The following PRR5L variants were observed in gnomAD, a reference collection of about 807,000 sequenced individuals.
The protein encoded by PRR5L is proline rich 5 like.
Under a neutral mutation model 36.4 loss-of-function variants are expected in PRR5L, and 21 were observed. The observed-to-expected ratio is 0.58, with a 90% CI of 0.41 to 0.83. PRR5L has a LOEUF of 0.83. PRR5L is among the 40% of genes least tolerant of loss of function. The pLI, the probability that PRR5L is intolerant of heterozygous loss-of-function variation, is 0.00. For missense variants in PRR5L, 381 were observed against 473.3 expected, an observed-to-expected ratio of 0.80 and a Z score of 1.81; for synonymous variants, 188 against 197.0, an observed-to-expected ratio of 0.95 and a Z score of 0.38.
At chr11:36,435,550 G>A (rs1490081025) in intron 5 of PRR5L, among the ~76,000 whole-genome samples, 1 of 152,196 alleles carries the variant, frequency 6.6e-6, no homozygotes, top group Non-Finnish European at 1.5e-5. Context: ...AGTCAAGGCA[G>A]AAGGGCTAGC....
chr11:36,437,966 G>A (rs776878382), intron 6 of PRR5L, among the ~76,000 whole-genome samples: 3 of 152,180 alleles, frequency 2.0e-5, no homozygotes, highest in Admixed American at 6.5e-5. Context: ...AAGAATGCTC[G>A]ACTAGGAATC....
At chr11:36,361,874 G>A (rs1258450493) in intron 1 of PRR5L, among the ~76,000 whole-genome samples, 3 of 151,970 alleles carry the variant, frequency 2.0e-5, no homozygotes, top group Non-Finnish European at 4.4e-5. Flanking sequence ...GAGAGATCGC[G>A]AGCCTCTCTT....
At chr11:36,452,835 A>C (rs331472) in intron 8 of PRR5L, among the ~76,000 whole-genome samples, 151,223 of 152,340 alleles carry the variant, frequency 0.99, 75,065 homozygotes, top group East Asian at 1. Flanking sequence ...TTGGAACAGA[A>C]CCCTGTAACA....
chr11:36,390,532 CAAGTT>C (rs1857545155), intron 1 of PRR5L, among the ~76,000 whole-genome samples: 1 of 152,164 alleles, frequency 6.6e-6, no homozygotes, highest in African/African-American at 2.4e-5. Context: ...TTACCTGAGA[CAAGTT>C]AAACACTCTG....
rs561477606 is a variant in PRR5L at position 36,411,508 on chromosome 11, G to A, written c.246-7747G>A. 3.3e-5 allele frequency among the ~76,000 whole-genome samples: 5 copies of A among 152,060 alleles called. No individual in the cohort carries two copies. In the South Asian group the frequency reaches 8.3e-4, roughly 25 times the overall value. ...CTTTTGGCTTCTGGCTGAACTTCACGCCCAGTTTCTCATTTTGGTCAGGCC... is the reference window on the plus strand; with the variant it reads ...CTTTTGGCTTCTGGCTGAACTTCACACCCAGTTTCTCATTTTGGTCAGGCC... On this transcript the variant is annotated intron_variant, in intron 3 of 8. Transcript: ENST00000530639.
rs778035625 is a variant in PRR5L, at chr11:36,462,347, C to T, written c.718C>T (p.Arg240Trp). The change falls in exon 9 of 9, where the codon CGG becomes TGG. Residue 240 changes from arginine (R) to tryptophan (W), a missense_variant. Physicochemically the swap from Arg to Trp is moderately radical, Grantham distance 101. Coordinates refer to ENST00000530639, the MANE Select transcript of PRR5L (RefSeq NM_001160167.2). The part of the protein sequence containing the change: ...FSGPTYTLAR[R>W]HSRVRPKVTV... ...TGCTGATTTTTCTCTTGCAGCCAGGCGGCACTCCAGGGTCCGGCCCAAGGT... is the reference window on the plus strand; with the variant it reads ...TGCTGATTTTTCTCTTGCAGCCAGGTGGCACTCCAGGGTCCGGCCCAAGGT... The T allele has an allele frequency of 1.1e-5, 17 of 1,489,116 alleles. No homozygotes were observed. The Admixed American group carries it at 1.2e-4, about 11-fold the overall frequency. The allele number at this position is 1,489,116 out of a possible 1,614,324, so 92.2% of individuals were successfully genotyped here.
intron 1 of PRR5L, among the ~76,000 whole-genome samples, chr11:36,325,006 C>CCCAAGATGATGGTGGGCTGCTT (rs1856645879): frequency 6.6e-6 from 1 of 152,132 alleles, no homozygotes; most frequent in East Asian, 1.9e-4. Flanking sequence ...TCCCAGAGCT[C>CCCAAGATGATGGTGGGCTGCTT]CCAAGATGAT....
chr11:36,381,885 G>A (rs554569982), intron 1 of PRR5L, among the ~76,000 whole-genome samples: 2 of 151,812 alleles, frequency 1.3e-5, no homozygotes, highest in African/African-American at 2.4e-5. Flanking sequence ...CCAGCCGGGC[G>A]CGGTGGCTCA....
chr11:36,421,198 A>G (rs1858257895), intron 4 of PRR5L, among the ~76,000 whole-genome samples: 2 of 152,160 alleles, frequency 1.3e-5, no homozygotes, highest in African/African-American at 2.4e-5. Context: ...TAAAAGCTCC[A>G]TGGTTTGGTG....
intron 3 of PRR5L, among the ~76,000 whole-genome samples, chr11:36,414,706 G>A (rs1451142431): frequency 2.0e-5 from 3 of 147,580 alleles, no homozygotes; most frequent in Admixed American, 2.0e-4. Flanking sequence ...TGCAGAAGCT[G>A]TTTAGTTTAA....
At chr11:36,424,844 A>G (rs901295946) in intron 4 of PRR5L, among the ~76,000 whole-genome samples, 14 of 151,574 alleles carry the variant, frequency 9.2e-5, no homozygotes, top group Admixed American at 2.0e-4. Flanking sequence ...TTTTTTAGAC[A>G]AAGTCTTGCT....
chr11:36,389,848 G>T (rs1399739078), intron 1 of PRR5L, among the ~76,000 whole-genome samples: 1 of 152,072 alleles, frequency 6.6e-6, no homozygotes, highest in African/African-American at 2.4e-5. Context: ...CCTGAGCTCA[G>T]GTGATCCACC....
chr11:36,435,279 T>C (rs138968523), intron 5 of PRR5L, among the ~76,000 whole-genome samples: 5 of 152,278 alleles, frequency 3.3e-5, no homozygotes, highest in African/African-American at 1.2e-4. Context: ...TATTTGATTA[T>C]CTACTATGAG....
At chr11:36,381,871 C>T (rs1857374313) in intron 1 of PRR5L, among the ~76,000 whole-genome samples, 1 of 151,918 alleles carries the variant, frequency 6.6e-6, no homozygotes, top group Non-Finnish European at 1.5e-5. Context: ...AAAAAAGCTC[C>T]CCACCAGCCG....
At chr11:36,343,037 C>A (rs966881974) in intron 1 of PRR5L, among the ~76,000 whole-genome samples, 6 of 152,142 alleles carry the variant, frequency 3.9e-5, no homozygotes, top group Non-Finnish European at 8.8e-5. Flanking sequence ...AAAAGCGATT[C>A]TTAAAGTGAT....
chr11:36,423,996 C>T (rs1275369930), intron 4 of PRR5L, among the ~76,000 whole-genome samples: 1 of 152,106 alleles, frequency 6.6e-6, no homozygotes, highest in Non-Finnish European at 1.5e-5. Context: ...AGCAGCTTTG[C>T]CATTCTTAAT....
intron 5 of PRR5L, among the ~76,000 whole-genome samples, chr11:36,436,242 C>T (rs1321180187): frequency 2.0e-5 from 3 of 152,236 alleles, no homozygotes; most frequent in Admixed American, 1.3e-4. Flanking sequence ...TTGCCAAACG[C>T]GTCTCTCAGT....
At chr11:36,434,760 G>GTTCT (rs1444446356) in intron 5 of PRR5L, among the ~76,000 whole-genome samples, 1 of 152,166 alleles carries the variant, frequency 6.6e-6, no homozygotes, top group East Asian at 1.9e-4. Context: ...AGGCACCTGT[G>GTTCT]TTCTTTAACT....
At position 36,325,502 on chromosome 11, in the gene PRR5L, C is replaced by T. The variant is rs567973670; in HGVS notation, c.-126+29064C>T. ...AGGGAGGGGACCCAAAGAGGGTAGC[C>T]GTTGCTGGCTTGAATGCCTGGGTTT... On this transcript the variant is annotated intron_variant, in intron 1 of 8. Transcript: ENST00000530639. 3.7e-4 allele frequency among the ~76,000 whole-genome samples: 56 copies of T among 152,342 alleles called. No individual in the cohort carries two copies. The South Asian group carries it at 0.01, about 28-fold the overall frequency.
Sources: gnomAD v4.1 joint callset for allele counts (sites outside exome capture counted in the v4.1 genomes callset) on GRCh38, gnomAD v4.1.1 for gene constraint, MANE v1.5 for transcripts, NCBI Gene and HGNC (gene_info 2026-07-23, HGNC 2026-07-21) for gene names.